Variants in TMEM182 observed in about 807,000 individuals in gnomAD.
TMEM182 encodes the protein transmembrane protein 182.
TMEM182 carries 20 observed loss-of-function variants against 26.8 expected under a neutral mutation model. The observed-to-expected ratio is 0.75, with a 90% CI of 0.53 to 1.09. The LOEUF is 1.09. Among genes scored for constraint, TMEM182 ranks in the 50% least tolerant of loss-of-function variants. The pLI is 0.00. For synonymous variants in TMEM182, 109 were observed against 102.2 expected, an observed-to-expected ratio of 1.07 and a Z score of -0.40; for missense variants, 277 against 275.5, an observed-to-expected ratio of 1.01 and a Z score of -0.04.
At chr2:102,803,118 G>T (rs1290586971) in intron 4 of TMEM182, among the ~76,000 whole-genome samples, 1 of 152,210 alleles carries the variant, frequency 6.6e-6, no homozygotes, top group Non-Finnish European at 1.5e-5. Context: ...TATCTTTGCA[G>T]TGTAGCTTAG....
At chr2:102,767,600 A>T (rs1280823800) in intron 3 of TMEM182, among the ~76,000 whole-genome samples, 2 of 152,210 alleles carry the variant, frequency 1.3e-5, no homozygotes, top group African/African-American at 2.4e-5. Flanking sequence ...CGTTATGCTT[A>T]ACTGGAATTG....
At chr2:102,829,955 C>T (rs1026560089) in intron 3 of TMEM182, among the ~76,000 whole-genome samples, 15 of 152,302 alleles carry the variant, frequency 9.8e-5, no homozygotes, top group African/African-American at 3.6e-4. Flanking sequence ...CAATAGGTTA[C>T]TGTTCATATT....
rs1683024530 is a variant in TMEM182, at chr2:102,826,018, C to CA, written c.326-17393dup. Among the ~76,000 whole-genome samples the CA allele has an allele frequency of 2.0e-5, 3 of 152,282 alleles. No individual in the cohort carries two copies. The South Asian group carries it at 6.2e-4, about 32-fold the overall frequency. Reference sequence around the variant, plus strand: ...TTGAGGCTACATGTTGAGTTAGTTGCATGAATTAACAACTGAATTGCATAA... The same window carrying CA: ...TTGAGGCTACATGTTGAGTTAGTTGCAATGAATTAACAACTGAATTGCATAA... On this transcript the variant is annotated intron_variant, in intron 3 of 3. Transcript: ENST00000486293.
chr2:102,778,552 C>G (rs1681027268), intron 3 of TMEM182, among the ~76,000 whole-genome samples: 1 of 151,604 alleles, frequency 6.6e-6, no homozygotes, highest in African/African-American at 2.4e-5. Context: ...TGATTTTTGC[C>G]TTCTATATTT....
intron 3 of TMEM182, 60 bp downstream of exon 3, chr2:102,764,487 C>T: frequency 7.0e-7 from 1 of 1,433,820 alleles, no homozygotes; most frequent in Non-Finnish European, 9.7e-7. Flanking sequence ...GAAGGATGCC[C>T]AGATCAAAAT....
At chr2:102,771,100 A>C (rs1181613231) in intron 3 of TMEM182, among the ~76,000 whole-genome samples, 2 of 152,184 alleles carry the variant, frequency 1.3e-5, no homozygotes, top group Admixed American at 1.3e-4. Context: ...TAAATACAGC[A>C]AATCACTCCA....
At chr2:102,792,520 T>G (rs548088348) in intron 3 of TMEM182, among the ~76,000 whole-genome samples, 1 of 152,230 alleles carries the variant, frequency 6.6e-6, no homozygotes, top group Non-Finnish European at 1.5e-5. Context: ...AGAGAGTGCA[T>G]GAACTCTATG....
At position 102,746,379 on chromosome 2, in the gene TMEM182, G is replaced by A. The variant is rs578045151; in HGVS notation, c.-83+9366G>A. On this transcript the variant is annotated intron_variant, in intron 1 of 5. Coordinates refer to the TMEM182 transcript ENST00000409173. ...ATTTCAAAATGTTTTCTTCAGTTTT[G>A]TGAGTTATCTTTTATTGATATCAAT... is the stretch of plus-strand genomic sequence containing the variant. Among the ~76,000 whole-genome samples, 30 of 152,102 alleles carry A rather than the reference G, an allele frequency of 2.0e-4. No homozygotes were observed. The East Asian group carries it at 5.6e-3, about 28-fold the overall frequency.
intron 3 of TMEM182, among the ~76,000 whole-genome samples, chr2:102,782,196 T>C (rs1681199095): frequency 6.6e-6 from 1 of 151,748 alleles, no homozygotes. Flanking sequence ...ATCCCAGCCA[T>C]ATGGTAGGCT....
intron 3 of TMEM182, among the ~76,000 whole-genome samples, chr2:102,793,952 C>T (rs1681756556): frequency 6.6e-6 from 1 of 152,152 alleles, no homozygotes. Context: ...TGCCTATAAT[C>T]CCTGCACTTT....
At chr2:102,822,235 T>C (rs1208249310), downstream of TMEM182, among the ~76,000 whole-genome samples, 1 of 152,028 alleles carries the variant, frequency 6.6e-6, no homozygotes, top group African/African-American at 2.4e-5. Context: ...TGGCAAAGAT[T>C]AGACCCCTGA....
upstream of TMEM182, among the ~76,000 whole-genome samples, chr2:102,757,229 A>C (rs898387034): frequency 5.3e-5 from 8 of 152,268 alleles, no homozygotes; most frequent in African/African-American, 1.9e-4. Context: ...CACAGTCCCT[A>C]CTCAGCCCCT....
intron 3 of TMEM182, among the ~76,000 whole-genome samples, chr2:102,790,769 A>C (rs1681602784): frequency 6.6e-6 from 1 of 152,206 alleles, no homozygotes. Context: ...CCTATGCTTG[A>C]ATCTGAAATT....
At chr2:102,820,276 T>G (rs1197065981), downstream of TMEM182, among the ~76,000 whole-genome samples, 1 of 152,240 alleles carries the variant, frequency 6.6e-6, no homozygotes, top group Non-Finnish European at 1.5e-5. Context: ...ACTCAGTTTC[T>G]TCATCTGAGA....
chr2:102,798,772 C>T (rs780363044), intron 4 of TMEM182, among the ~76,000 whole-genome samples: 19 of 151,752 alleles, frequency 1.3e-4, no homozygotes, highest in Non-Finnish European at 1.0e-4. Context: ...ACTCGGGAGG[C>T]GGAGGTTGCA....
intron 3 of TMEM182, among the ~76,000 whole-genome samples, chr2:102,779,965 T>C (rs1296288979): frequency 6.6e-6 from 1 of 152,110 alleles, no homozygotes; most frequent in Non-Finnish European, 1.5e-5. Context: ...ATTGCGTCAT[T>C]GCACTGCAGC....
intron 3 of TMEM182, among the ~76,000 whole-genome samples, chr2:102,828,274 G>C (rs927751897): frequency 1.3e-5 from 2 of 152,244 alleles, no homozygotes; most frequent in African/African-American, 4.8e-5. Context: ...GAGATCACAT[G>C]TAACCGAGTT....
chr2:102,776,524 C>T (rs1371420256), intron 3 of TMEM182, among the ~76,000 whole-genome samples: 1 of 152,064 alleles, frequency 6.6e-6, no homozygotes, highest in Non-Finnish European at 1.5e-5. Context: ...TAAATAATGT[C>T]TCATTAGTGG....
intron 3 of TMEM182, among the ~76,000 whole-genome samples, chr2:102,795,459 G>A (rs1014957770): frequency 1.3e-4 from 20 of 151,994 alleles, no homozygotes; most frequent in African/African-American, 4.1e-4. Flanking sequence ...TATTTTTTCG[G>A]CAGGCAATCA....
Sources: gnomAD v4.1 joint callset for allele counts (sites outside exome capture counted in the v4.1 genomes callset) on GRCh38, gnomAD v4.1.1 for gene constraint, MANE v1.5 for transcripts, NCBI Gene and HGNC (gene_info 2026-07-23, HGNC 2026-07-21) for gene names.